Variants in CDKAL1 observed in about 807,000 individuals in gnomAD.
CDKAL1 encodes the protein CDKAL1 threonylcarbamoyladenosine tRNA methylthiotransferase.
In CDKAL1, 32 loss-of-function variants were observed where a neutral mutation model predicts 68.2. That is an observed-to-expected ratio of 0.47 (90% confidence interval 0.35 to 0.63). The LOEUF is 0.63. CDKAL1 is among the 30% of genes least tolerant of loss of function. The probability of loss-of-function intolerance (pLI) is 0.00; values close to 1 mark genes in which losing one functional copy is unlikely to be tolerated. For synonymous variants in CDKAL1, 234 were observed against 244.3 expected (o/e 0.96, Z 0.39); for missense variants, 606 against 696.7 (o/e 0.87, Z 1.47).
chr6:20,724,327 T>C (rs12111351), intron 5 of CDKAL1, among the ~76,000 whole-genome samples: 1 of 152,012 alleles, frequency 6.6e-6, no homozygotes, highest in South Asian at 2.1e-4. Context: ...TTTTTGAAAA[T>C]GGACTTTGAT....
chr6:20,597,586 T>G (rs1383731481), intron 4 of CDKAL1, among the ~76,000 whole-genome samples: 1 of 152,170 alleles, frequency 6.6e-6, no homozygotes, highest in Non-Finnish European at 1.5e-5. Context: ...GGCCAGTTTT[T>G]GTATTTTCAG....
At chr6:20,611,585 G>A (rs1766618374) in intron 4 of CDKAL1, among the ~76,000 whole-genome samples, 1 of 152,068 alleles carries the variant, frequency 6.6e-6, no homozygotes, top group Non-Finnish European at 1.5e-5. Context: ...TATGCTCTTG[G>A]ATAAAGCTAA....
chr6:21,126,184 G>A (rs1011880943), intron 13 of CDKAL1, among the ~76,000 whole-genome samples: 4 of 152,066 alleles, frequency 2.6e-5, no homozygotes, highest in South Asian at 2.1e-4. Flanking sequence ...ATTTAAAATC[G>A]ATCTTTCTAT....
At chr6:20,687,582 TCA>T (rs1284684243) in intron 5 of CDKAL1, among the ~76,000 whole-genome samples, 1 of 152,168 alleles carries the variant, frequency 6.6e-6, no homozygotes, top group Non-Finnish European at 1.5e-5. Flanking sequence ...TCTTACTCTG[TCA>T]CACAGGCTGG....
chr6:20,609,246 T>TC (rs1766471335), intron 4 of CDKAL1, among the ~76,000 whole-genome samples: 4 of 119,322 alleles, frequency 3.4e-5, no homozygotes, highest in African/African-American at 1.4e-4. Context: ...CTTCCTTCCT[T>TC]CTTCTTCCTC....
At chr6:20,888,028 A>C (rs1234567622) in intron 9 of CDKAL1, among the ~76,000 whole-genome samples, 3 of 151,830 alleles carry the variant, frequency 2.0e-5, no homozygotes, top group Admixed American at 1.3e-4. Context: ...CACAATGTGC[A>C]GGTTTGTTAC....
intron 5 of CDKAL1, among the ~76,000 whole-genome samples, chr6:20,691,248 T>A (rs1256856681): frequency 6.6e-6 from 1 of 152,084 alleles, no homozygotes; most frequent in Non-Finnish European, 1.5e-5. Context: ...AAAATATGAA[T>A]TCACAGTGGT....
intron 7 of CDKAL1, among the ~76,000 whole-genome samples, chr6:20,766,652 T>G (rs1774717728): frequency 6.6e-6 from 1 of 152,208 alleles, no homozygotes; most frequent in Non-Finnish European, 1.5e-5. Context: ...AAATGTATTA[T>G]CATTTAGACT....
chr6:20,587,140 C>T (rs1765402198), intron 4 of CDKAL1, among the ~76,000 whole-genome samples: 1 of 151,846 alleles, frequency 6.6e-6, no homozygotes, highest in African/African-American at 2.4e-5. Flanking sequence ...GCGCGTGCCA[C>T]CACGCCCCGC....
At chr6:21,000,473 G>C in intron 11 of CDKAL1, 101 bp downstream of exon 11, 4 of 1,028,024 alleles carry the variant, frequency 3.9e-6, no homozygotes, top group Non-Finnish European at 5.7e-6. Flanking sequence ...AGGTACAAGA[G>C]AGAAGGCGAG....
chr6:20,907,233 G>A (rs1351663824), intron 9 of CDKAL1, among the ~76,000 whole-genome samples: 1 of 152,094 alleles, frequency 6.6e-6, no homozygotes, highest in Non-Finnish European at 1.5e-5. Flanking sequence ...GACCAGCCTG[G>A]GCAACATGGC....
chr6:21,144,264 C>G (rs1456413190), intron 13 of CDKAL1, among the ~76,000 whole-genome samples: 1 of 152,180 alleles, frequency 6.6e-6, no homozygotes, highest in Non-Finnish European at 1.5e-5. Context: ...ACACTGCATC[C>G]TATTAGCCAG....
chr6:20,720,856 G>A (rs1158190691), intron 5 of CDKAL1, among the ~76,000 whole-genome samples: 1 of 152,164 alleles, frequency 6.6e-6, no homozygotes, highest in East Asian at 1.9e-4. Flanking sequence ...GTGAGGATAT[G>A]TGATATTTGT....
chr6:20,709,005 A>T (rs1044380990), intron 5 of CDKAL1, among the ~76,000 whole-genome samples: 2 of 152,096 alleles, frequency 1.3e-5, no homozygotes, highest in Non-Finnish European at 2.9e-5. Context: ...CCATGGGAAG[A>T]TATTTATTTA....
intron 10 of CDKAL1, among the ~76,000 whole-genome samples, chr6:20,971,031 T>G (rs1416044160): frequency 2.0e-5 from 3 of 152,158 alleles, no homozygotes; most frequent in Admixed American, 6.5e-5. Flanking sequence ...GCATTTTTAG[T>G]AGAGACGGGG....
chr6:20,949,286 A>T (rs1369644402), intron 9 of CDKAL1, among the ~76,000 whole-genome samples: 1 of 152,218 alleles, frequency 6.6e-6, no homozygotes, highest in Non-Finnish European at 1.5e-5. Context: ...TCTTGTGTAG[A>T]AGTTAAGAGA....
intron 1 of CDKAL1, chr6:20,534,976 G>A (rs1232582459): frequency 6.6e-6 from 1 of 152,108 alleles, no homozygotes; most frequent in Non-Finnish European, 1.5e-5. Flanking sequence ...TTCACTTTTC[G>A]TTCTTCTTTG....
At chr6:21,198,660 G>T (rs896713983) in intron 14 of CDKAL1, among the ~76,000 whole-genome samples, 1 of 152,220 alleles carries the variant, frequency 6.6e-6, no homozygotes, top group Non-Finnish European at 1.5e-5. Context: ...AACTCTAATT[G>T]TATGAACAAC....
At chr6:20,686,855 C>T (rs1770651983) in intron 5 of CDKAL1, among the ~76,000 whole-genome samples, 1 of 152,114 alleles carries the variant, frequency 6.6e-6, no homozygotes, top group Non-Finnish European at 1.5e-5. Context: ...GTTGAAGTTA[C>T]TCTATATCTC....
Sources: allele counts gnomAD v4.1 joint callset (sites outside exome capture counted in the v4.1 genomes callset), GRCh38; gene constraint gnomAD v4.1.1; transcripts MANE v1.5; gene names NCBI Gene and HGNC (gene_info 2026-07-23, HGNC 2026-07-21).